Variants in KITLG observed in about 807,000 individuals in gnomAD.
KITLG encodes c-Kit ligand.
In KITLG, 13 loss-of-function variants were observed where a neutral mutation model predicts 34.1. The observed-to-expected ratio is 0.38, with a 90% CI of 0.25 to 0.61. The LOEUF is 0.61. Ranked by LOEUF, KITLG falls within the 20% of genes least tolerant of loss-of-function variation. The pLI is 0.60. For synonymous variants in KITLG, 110 were observed against 104.0 expected (o/e 1.06, Z -0.35); for missense variants, 292 against 318.9 (o/e 0.92, Z 0.64).
chr12:88,504,603 GT>G (rs1723209932), intron 9 of KITLG, among the ~76,000 whole-genome samples: 1 of 152,076 alleles, frequency 6.6e-6, no homozygotes, highest in Non-Finnish European at 1.5e-5. Flanking sequence ...TCATTAAAAA[GT>G]CAGGAAACAA....
rs1158281180 is a variant in KITLG, at chr12:88,506,204, C to T, written c.782+107G>A. 5.0e-6 allele frequency: 4 copies of T among 793,296 alleles called. No individual in the cohort carries two copies. In the African/African-American group the frequency reaches 5.1e-5, roughly 10 times the overall value. The allele number at this position is 793,296 out of a possible 1,614,324, so 49.1% of individuals were successfully genotyped here. A position where few individuals can be genotyped will look rare whatever the true frequency, so the allele number is the denominator to read the frequency against. ...AGAGTTGGGACTCACTGGTTAGGAG[C>T]TACTGTCATGAGTGAAGGACTTCTT... On this transcript the variant is annotated intron_variant, in intron 8 of 9. Transcript: ENST00000644744.
intron 1 of KITLG, among the ~76,000 whole-genome samples, chr12:88,561,733 C>A (rs1871304870): frequency 6.6e-6 from 1 of 152,318 alleles, no homozygotes; most frequent in African/African-American, 2.4e-5. Context: ...GCCTTAGTAA[C>A]CTTTATCTTC....
chr12:88,532,345 A>G (rs1447384690), intron 3 of KITLG, 96 bp downstream of exon 3: 1 of 910,218 alleles, frequency 1.1e-6, no homozygotes, highest in Admixed American at 2.2e-5. Context: ...ACAATAAGCA[A>G]GCTCCTAAAT....
At chr12:88,497,866 A>C (rs1478630978) in intron 9 of KITLG, among the ~76,000 whole-genome samples, 3 of 152,192 alleles carry the variant, frequency 2.0e-5, no homozygotes, top group Non-Finnish European at 4.4e-5. Flanking sequence ...CAGCTGAGGA[A>C]ATAGCAGCAG....
At position 88,515,535 on chromosome 12, in the gene KITLG, A is replaced by G. The variant is rs762280337; in HGVS notation, c.603T>C (p.Asn201=). The G allele has an allele frequency of 5.6e-6, 9 of 1,599,988 alleles. No homozygotes were observed. In the African/African-American group the frequency reaches 1.1e-4, roughly 19 times the overall value. Residue 201 remains asparagine (N), a splice_region_variant and synonymous_variant, in exon 6 of 10, where the codon AAT becomes AAC. Transcript: ENST00000644744. ...SSLRNDSSSS[N]RKAKNPPGDS... ...ATTAAATCAGATATATGTACTTACT[A>G]TTACTGCTACTGCTGTCATTCCTAA...
intron 1 of KITLG, among the ~76,000 whole-genome samples, chr12:88,560,044 G>T (rs1229877700): frequency 1.3e-5 from 2 of 152,212 alleles, no homozygotes; most frequent in East Asian, 1.9e-4. Context: ...AAATCCTGGT[G>T]CTGTCACGTG....
At chr12:88,515,750 T>C in intron 5 of KITLG, 133 bp from the exon 6 acceptor site, 1 of 688,406 alleles carries the variant, frequency 1.5e-6, no homozygotes, top group Non-Finnish European at 2.7e-6. Flanking sequence ...AGATCCTATT[T>C]ATTTCATACT....
In KITLG at chr12:88,532,575, G is replaced by A. The variant is rs570272973; in HGVS notation, c.130-72C>T. 6 of 1,016,366 alleles carry A rather than the reference G, an allele frequency of 5.9e-6. No homozygotes were observed. In the African/African-American group the frequency reaches 9.7e-5, roughly 16 times the overall value. 63.0% of individuals were successfully genotyped at this position (1,016,366 alleles called of 1,614,324 possible). ...AATTAATCATATTTGTAGTGCTTTG[G>A]AGAAAAGCACACAAAACTGTTGTGC... is the stretch of plus-strand genomic sequence containing the variant. On this transcript the variant is annotated intron_variant, in intron 2 of 9. Transcript: ENST00000644744.
intron 2 of KITLG, chr12:88,534,641 A>G: frequency 2.0e-6 from 1 of 504,400 alleles, no homozygotes; most frequent in Non-Finnish European, 3.9e-6. Context: ...TGCTGGGATT[A>G]CAGTCATGAG....
intron 6 of KITLG, among the ~76,000 whole-genome samples, chr12:88,512,618 A>G (rs1185818772): frequency 6.6e-6 from 1 of 151,966 alleles, no homozygotes; most frequent in Non-Finnish European, 1.5e-5. Flanking sequence ...AAAAAGGAGA[A>G]CACTTTGAAA....
At chr12:88,497,789 C>T (rs1352034709) in intron 9 of KITLG, among the ~76,000 whole-genome samples, 2 of 152,118 alleles carry the variant, frequency 1.3e-5, no homozygotes, top group African/African-American at 2.4e-5. Flanking sequence ...CAAGTAATAG[C>T]CTCACATGGC....
chr12:88,518,175 T>G (rs1437396986), intron 4 of KITLG, among the ~76,000 whole-genome samples: 1 of 152,086 alleles, frequency 6.6e-6, no homozygotes, highest in Non-Finnish European at 1.5e-5. Flanking sequence ...AGAGCCAGAA[T>G]TTAAACTCCA....
At chr12:88,562,149 A>G (rs1273275530) in intron 1 of KITLG, among the ~76,000 whole-genome samples, 1 of 152,194 alleles carries the variant, frequency 6.6e-6, no homozygotes, top group Non-Finnish European at 1.5e-5. Context: ...TTCTCATAGT[A>G]CATAATCCTC....
chr12:88,539,835 G>A (rs1265906213), intron 2 of KITLG, among the ~76,000 whole-genome samples: 2 of 152,004 alleles, frequency 1.3e-5, no homozygotes, highest in Non-Finnish European at 2.9e-5. Flanking sequence ...TGAGGCAGGA[G>A]GATCACTTGA....
intron 6 of KITLG, among the ~76,000 whole-genome samples, chr12:88,512,592 T>G (rs1164150600): frequency 6.6e-6 from 1 of 151,956 alleles, no homozygotes; most frequent in Non-Finnish European, 1.5e-5. Flanking sequence ...CATAGGCATA[T>G]TCTAGCTCAA....
intron 5 of KITLG, 80 bp downstream of exon 5, chr12:88,516,254 C>A: frequency 8.2e-7 from 1 of 1,213,830 alleles, no homozygotes; most frequent in Non-Finnish European, 1.2e-6. Flanking sequence ...TACAGCTTAA[C>A]ACAGAGGTAG....
chr12:88,561,248 A>G (rs1014291107), intron 1 of KITLG, among the ~76,000 whole-genome samples: 5 of 152,176 alleles, frequency 3.3e-5, no homozygotes, highest in African/African-American at 1.2e-4. Flanking sequence ...CATTTAGTAT[A>G]GTACCTGTCA....
chr12:88,568,285 ATTTATTTATTTAT>A (rs908909923), intron 1 of KITLG, among the ~76,000 whole-genome samples: 1 of 12,736 alleles, frequency 7.9e-5, no homozygotes, highest in African/African-American at 9.0e-5. Context: ...TATCTCATTT[ATTTATTTATTTAT>A]TTATTTATTT....
intron 3 of KITLG, among the ~76,000 whole-genome samples, chr12:88,529,665 C>A (rs992276181): frequency 3.3e-5 from 5 of 152,216 alleles, no homozygotes; most frequent in Admixed American, 2.6e-4. Flanking sequence ...TTTTGGCACC[C>A]ATTCCCACTC....
Sources: allele counts gnomAD v4.1 joint callset (sites outside exome capture counted in the v4.1 genomes callset), GRCh38; gene constraint gnomAD v4.1.1; transcripts MANE v1.5; gene names NCBI Gene and HGNC (gene_info 2026-07-23, HGNC 2026-07-21).